The following SUSD1 variants were observed in gnomAD, a reference collection of about 807,000 sequenced individuals.
SUSD1 encodes the protein sushi domain-containing protein 1.
SUSD1 carries 65 observed loss-of-function variants against 86.9 expected under a neutral mutation model. The observed-to-expected ratio is 0.75, with a 90% CI of 0.61 to 0.92. The LOEUF (loss-of-function observed/expected upper bound fraction) is 0.92, where lower values mean the gene tolerates loss of function less well. Among genes scored for constraint, SUSD1 ranks in the 40% least tolerant of loss-of-function variants. The pLI is 0.00. For missense variants in SUSD1, 850 were observed against 929.7 expected (o/e 0.91, Z 1.11); for synonymous variants, 346 against 350.0 (o/e 0.99, Z 0.13).
chr9:112,058,627 T>G lies in SUSD1; in HGVS notation c.1910A>C (p.Glu637Ala). Residue 637 changes from glutamate (E) to alanine (A), a missense_variant, in exon 14 of 17, where the codon GAA (glutamate) becomes GCA (alanine). Physicochemically the swap from Glu to Ala is moderately radical, Grantham distance 107. Transcript: ENST00000374270. The stretch of plus-strand genomic sequence containing the variant: ...GTTGCTAAAGAAGGAGGAAGCGCCT[T>G]CAGAATCACAAGAAAATGTGCTTTG... ...ALQSTFSCDS[E>A]GASSFFSNAS... is the part of the protein sequence containing the mutation. 1.2e-6 allele frequency: 2 copies of G among 1,614,128 alleles called. No individual in the cohort carries two copies. Among genetic ancestry groups the G allele is most frequent in the Non-Finnish European group, 1.7e-6 (2 of 1,180,002 alleles).
At chr9:112,058,397 A>T (rs1334747720) in intron 14 of SUSD1, 31 bp downstream of exon 14, 5 of 1,596,994 alleles carry the variant, frequency 3.1e-6, no homozygotes, top group Non-Finnish European at 4.3e-6. Flanking sequence ...AAGAAAATAC[A>T]GAGTTCACAA....
chr9:112,153,667 G>C (rs1035332809), intron 2 of SUSD1, among the ~76,000 whole-genome samples: 4 of 147,556 alleles, frequency 2.7e-5, no homozygotes, highest in African/African-American at 1.0e-4. Flanking sequence ...AGGCTGGAGT[G>C]CAATGGCGCG....
intron 12 of SUSD1, among the ~76,000 whole-genome samples, chr9:112,064,111 T>C (rs1828866023): frequency 6.6e-6 from 1 of 151,860 alleles, no homozygotes; most frequent in African/African-American, 2.4e-5. Context: ...CCAGTCCTAC[T>C]GTCCATCTCT....
At chr9:112,097,928 G>A (rs969145067) in intron 10 of SUSD1, among the ~76,000 whole-genome samples, 9 of 152,182 alleles carry the variant, frequency 5.9e-5, no homozygotes, top group African/African-American at 2.2e-4. Context: ...CCCACTAGGG[G>A]GAGCTGTGGA....
At chr9:112,087,664 A>G (rs537960563) in intron 10 of SUSD1, among the ~76,000 whole-genome samples, 2 of 152,306 alleles carry the variant, frequency 1.3e-5, no homozygotes, top group Non-Finnish European at 2.9e-5. Flanking sequence ...TAGGAAAACA[A>G]CTGAAAATAA....
intron 12 of SUSD1, among the ~76,000 whole-genome samples, chr9:112,071,672 A>C (rs1337325256): frequency 2.0e-5 from 3 of 152,210 alleles, no homozygotes; most frequent in Non-Finnish European, 2.9e-5. Flanking sequence ...TATCTGCATC[A>C]AAACTAAGCA....
intron 5 of SUSD1, among the ~76,000 whole-genome samples, chr9:112,138,684 G>A (rs1343345929): frequency 1.3e-5 from 2 of 152,028 alleles, no homozygotes; most frequent in East Asian, 1.9e-4. Flanking sequence ...TCCTGACCTC[G>A]TGATCAGCCT....
At chr9:112,079,274 C>T (rs888777137) in intron 11 of SUSD1, among the ~76,000 whole-genome samples, 1 of 152,054 alleles carries the variant, frequency 6.6e-6, no homozygotes, top group African/African-American at 2.4e-5. Flanking sequence ...AATAAAAACA[C>T]ACAAAAGGCT....
At chr9:112,165,708 C>G (rs990733768) in intron 1 of SUSD1, among the ~76,000 whole-genome samples, 1 of 151,606 alleles carries the variant, frequency 6.6e-6, no homozygotes, top group Admixed American at 6.6e-5. Flanking sequence ...CCACACCTGG[C>G]ATACACTTCA....
rs970600981 is a variant in SUSD1 at position 112,142,663 on chromosome 9, T to C, written c.527-164A>G. On this transcript the variant is annotated intron_variant, in intron 4 of 16. Transcript: ENST00000374270. ...TGACTTCTGGGAACATTTCCAACAA[T>C]TGTCTTTATTCAATCTTTTGGCCTT... 4.3e-5 allele frequency: 27 copies of C among 629,750 alleles called. No individual in the cohort carries two copies. In the African/African-American group the frequency reaches 4.5e-4, roughly 11 times the overall value. 39.0% of individuals were successfully genotyped at this position (629,750 alleles called of 1,614,324 possible).
chr9:112,064,388 T>G (rs1828879479), intron 12 of SUSD1, among the ~76,000 whole-genome samples: 1 of 152,236 alleles, frequency 6.6e-6, no homozygotes, highest in Non-Finnish European at 1.5e-5. Flanking sequence ...TATGAGAATC[T>G]AATGCCTGAT....
At chr9:112,083,274 C>T (rs943945055) in intron 10 of SUSD1, among the ~76,000 whole-genome samples, 2 of 152,092 alleles carry the variant, frequency 1.3e-5, no homozygotes, top group African/African-American at 4.8e-5. Flanking sequence ...GTTTCCCAGG[C>T]TGGAGTGCAG....
intron 15 of SUSD1, among the ~76,000 whole-genome samples, chr9:112,050,830 C>T (rs955899224): frequency 1.3e-5 from 2 of 152,178 alleles, no homozygotes; most frequent in African/African-American, 4.8e-5. Flanking sequence ...AGGGAAATCC[C>T]GAGCCTGGAA....
At chr9:112,170,710 T>TATATATATAGAGAG (rs758442726) in intron 1 of SUSD1, among the ~76,000 whole-genome samples, 1,630 of 113,674 alleles carry the variant, frequency 0.014, 25 homozygotes, top group African/African-American at 0.032. Context: ...TATATATATA[T>TATATATATAGAGAG]AGAGAGAGAG....
intron 6 of SUSD1, among the ~76,000 whole-genome samples, chr9:112,117,313 C>T (rs551277474): frequency 3.3e-5 from 5 of 152,238 alleles, no homozygotes; most frequent in South Asian, 2.1e-4. Context: ...GGAGTGCCCA[C>T]GGCATCAGGA....
chr9:112,107,400 G>GA (rs1475364370), intron 8 of SUSD1, among the ~76,000 whole-genome samples: 1 of 151,972 alleles, frequency 6.6e-6, no homozygotes, highest in Non-Finnish European at 1.5e-5. Flanking sequence ...AGTGAGCCAA[G>GA]ATCACGCCAC....
rs200916135 is a variant in SUSD1 at position 112,165,816 on chromosome 9, AAAAGAAAG to A, written c.104-8211_104-8204del. Among the ~76,000 whole-genome samples, 8 of 148,960 alleles carry A rather than the reference AAAAGAAAG, an allele frequency of 5.4e-5. No homozygotes were observed. The South Asian group carries it at 1.7e-3, about 32-fold the overall frequency. On this transcript the variant is annotated intron_variant, in intron 1 of 16. Transcript: ENST00000374270. The stretch of plus-strand genomic sequence containing the variant: ...GGAAAGAGAGAAAGAGAGAGAGAGA[AAAAGAAAG>A]AAAGAAAGAGAAAGAAAGAAAGAGA...
At chr9:112,138,021 G>C (rs1443353698) in intron 5 of SUSD1, 1 of 151,230 alleles carries the variant, frequency 6.6e-6, no homozygotes, top group African/African-American at 2.4e-5. Context: ...TCAGGAGTTT[G>C]AGACCAGCCT....
chr9:112,078,814 T>G lies in SUSD1; in HGVS notation c.1567-90A>C, dbSNP rs574922970. 238 of 755,612 alleles carry G rather than the reference T, an allele frequency of 3.1e-4. 1 individual carries two copies. The African/African-American group carries it at 3.6e-3, about 12-fold the overall frequency. The allele number at this position is 755,612 out of a possible 1,614,324, so 46.8% of individuals were successfully genotyped here. ...TCCCCTTTTCCTTTTTCTTTCTCTT[T>G]TTTTTTTTTTTTTTTTGAGATGGGG... is the stretch of plus-strand genomic sequence containing the variant. On this transcript the variant is annotated intron_variant, in intron 11 of 16. Coordinates refer to ENST00000374270, the MANE Select transcript of SUSD1 (RefSeq NM_022486.5).
Sources: gnomAD v4.1 joint callset for allele counts (sites outside exome capture counted in the v4.1 genomes callset) on GRCh38, gnomAD v4.1.1 for gene constraint, MANE v1.5 for transcripts, NCBI Gene and HGNC (gene_info 2026-07-23, HGNC 2026-07-21) for gene names.